Variants in TUSC3 observed in about 807,000 individuals in gnomAD.
TUSC3 encodes dolichyl-diphosphooligosaccharide--protein glycosyltransferase subunit TUSC3.
A neutral mutation model predicts 44.8 loss-of-function variants in TUSC3; 45 were observed. The ratio of observed to expected loss-of-function variants is 1.00; its 90% confidence interval spans 0.79 to 1.29. The LOEUF (loss-of-function observed/expected upper bound fraction) is 1.29, where lower values mean the gene tolerates loss of function less well. Among genes scored for constraint, TUSC3 ranks in the 50% most tolerant of loss-of-function variants. The pLI is 0.00. For synonymous variants in TUSC3, 212 were observed against 152.9 expected (o/e 1.39, Z -2.85); for missense variants, 519 against 437.9 (o/e 1.19, Z -1.65).
the TUSC3 span, among the ~76,000 whole-genome samples, chr8:15,834,130 C>G: frequency 6.6e-6 from 1 of 152,072 alleles, no homozygotes; most frequent in Admixed American, 6.6e-5. Flanking sequence ...TTCACGTTGT[C>G]TAATTCCAGG....
the TUSC3 span, among the ~76,000 whole-genome samples, chr8:15,784,869 G>C: frequency 6.6e-6 from 1 of 151,998 alleles, no homozygotes; most frequent in African/African-American, 2.4e-5. Context: ...AATGTATTGT[G>C]TATTTTTAAA....
At chr8:15,449,016 A>T (rs1482381360) in intron 1 of TUSC3, among the ~76,000 whole-genome samples, 9 of 152,204 alleles carry the variant, frequency 5.9e-5, no homozygotes, top group Non-Finnish European at 7.3e-5. Context: ...AGGCCTTCAC[A>T]TTCATTTACC....
intron 1 of TUSC3, among the ~76,000 whole-genome samples, chr8:15,558,536 G>C (rs1211282923): frequency 1.4e-5 from 1 of 71,000 alleles, no homozygotes; most frequent in African/African-American, 4.0e-5. Context: ...GAGTTAGGGA[G>C]GATTCCCTCT....
intron 1 of TUSC3, among the ~76,000 whole-genome samples, chr8:15,466,788 G>A (rs919804704): frequency 6.6e-6 from 1 of 151,952 alleles, no homozygotes; most frequent in African/African-American, 2.4e-5. Flanking sequence ...TTCTTTTTCT[G>A]ATTTTCCTCC....
At chr8:15,836,140 A>G in the TUSC3 span, among the ~76,000 whole-genome samples, 1 of 138,550 alleles carries the variant, frequency 7.2e-6, no homozygotes, top group African/African-American at 2.7e-5. Context: ...TTCATTATAA[A>G]ATTATTTTTT....
the TUSC3 span, among the ~76,000 whole-genome samples, chr8:15,809,441 T>C: frequency 6.6e-6 from 1 of 152,142 alleles, no homozygotes; most frequent in Non-Finnish European, 1.5e-5. Flanking sequence ...GTTATGTTAG[T>C]TTTTTGCTGC....
At chr8:15,602,401 T>C (rs1300712240) in intron 1 of TUSC3, among the ~76,000 whole-genome samples, 2 of 151,732 alleles carry the variant, frequency 1.3e-5, no homozygotes, top group African/African-American at 4.8e-5. Flanking sequence ...AAATAAGTTT[T>C]ATTTCCCCAC....
intron 1 of TUSC3, among the ~76,000 whole-genome samples, chr8:15,438,364 GGGAT>G (rs2129118000): frequency 6.6e-6 from 1 of 152,270 alleles, no homozygotes; most frequent in Admixed American, 6.5e-5. Context: ...CCAAAGTGCT[GGGAT>G]TACAGGCGTG....
intron 6 of TUSC3, among the ~76,000 whole-genome samples, chr8:15,719,553 C>T (rs923060069): frequency 1.3e-5 from 2 of 150,164 alleles, no homozygotes; most frequent in African/African-American, 4.9e-5. Flanking sequence ...CACACAGCCC[C>T]ATGAGACTAG....
chr8:15,760,051 T>A (rs1036437026), intron 10 of TUSC3, among the ~76,000 whole-genome samples: 1 of 152,172 alleles, frequency 6.6e-6, no homozygotes, highest in Non-Finnish European at 1.5e-5. Context: ...TCTCCCGGTA[T>A]CTAGTCATTA....
chr8:15,423,141 C>A (rs1326556815), intron 1 of TUSC3, among the ~76,000 whole-genome samples: 1 of 152,040 alleles, frequency 6.6e-6, no homozygotes, highest in Non-Finnish European at 1.5e-5. Flanking sequence ...TTGGACCTTT[C>A]CATTTTCACT....
chr8:15,573,669 A>G lies in TUSC3; in HGVS notation c.138+33101A>G, dbSNP rs143769788. 2.0e-5 allele frequency among the ~76,000 whole-genome samples: 3 copies of G among 152,190 alleles called. No homozygotes were observed. In the East Asian group the frequency reaches 5.8e-4, roughly 30 times the overall value. On this transcript the variant is annotated intron_variant, in intron 1 of 10. Coordinates refer to ENST00000503731, the MANE Select transcript of TUSC3 (RefSeq NM_006765.4). ...CCCTCAGACTTTTAAAGGGGCTGCT[A>G]GCAAACCTCTAATTTTGCCCTGCAG...
chr8:15,801,521 G>C, the TUSC3 span, among the ~76,000 whole-genome samples: 2 of 151,680 alleles, frequency 1.3e-5, no homozygotes, highest in Non-Finnish European at 2.9e-5. Context: ...AAAAAAGAGA[G>C]AAATACAAAG....
chr8:15,721,423 C>A (rs1161483150), intron 6 of TUSC3, among the ~76,000 whole-genome samples: 1 of 151,780 alleles, frequency 6.6e-6, no homozygotes, highest in East Asian at 1.9e-4. Context: ...TATTAATGTT[C>A]CTTGATCAAG....
At chr8:15,769,465 C>A (rs1039632307), downstream of TUSC3, among the ~76,000 whole-genome samples, 1 of 152,210 alleles carries the variant, frequency 6.6e-6, no homozygotes, top group Non-Finnish European at 1.5e-5. Flanking sequence ...AGACCTAAAA[C>A]CTTAAAAACC....
intron 1 of TUSC3, among the ~76,000 whole-genome samples, chr8:15,596,196 T>A (rs1307704617): frequency 1.3e-5 from 2 of 152,190 alleles, no homozygotes; most frequent in Non-Finnish European, 2.9e-5. Flanking sequence ...ATAATAATGA[T>A]ATGACGTTTT....
intron 2 of TUSC3, among the ~76,000 whole-genome samples, chr8:15,516,116 C>T (rs904150132): frequency 6.6e-6 from 1 of 152,154 alleles, no homozygotes; most frequent in African/African-American, 2.4e-5. Context: ...TATAGTTACT[C>T]ATTGTTAATG....
the TUSC3 span, among the ~76,000 whole-genome samples, chr8:15,784,463 A>G: frequency 9.7e-4 from 148 of 152,206 alleles, no homozygotes; most frequent in Admixed American, 5.1e-3. Flanking sequence ...TGAAGTGCCC[A>G]TCATGAATGA....
At chr8:15,609,525 A>G (rs142263772) in intron 1 of TUSC3, among the ~76,000 whole-genome samples, 8 of 152,168 alleles carry the variant, frequency 5.3e-5, no homozygotes, top group African/African-American at 1.9e-4. Flanking sequence ...ACAGAAGGAT[A>G]TGAAAGAGTT....
Sources: gnomAD v4.1 joint callset for allele counts (sites outside exome capture counted in the v4.1 genomes callset) on GRCh38, gnomAD v4.1.1 for gene constraint, MANE v1.5 for transcripts, NCBI Gene and HGNC (gene_info 2026-07-23, HGNC 2026-07-21) for gene names.